Variants in LTF observed in about 807,000 individuals in gnomAD.
The protein encoded by LTF is epididymis luminal protein 110.
A neutral mutation model predicts 87.2 loss-of-function variants in LTF; 91 were observed. The observed-to-expected ratio is 1.04, with a 90% CI of 0.88 to 1.24. The LOEUF (loss-of-function observed/expected upper bound fraction) is 1.24. Ranked by LOEUF, LTF falls within the 50% of genes most tolerant of loss-of-function variation. The probability of loss-of-function intolerance (pLI) is 0.00; values close to 1 mark genes in which losing one functional copy is unlikely to be tolerated. For missense variants in LTF, 901 were observed against 904.3 expected, an observed-to-expected ratio of 1.00 and a Z score of 0.05; for synonymous variants, 378 against 356.1, an observed-to-expected ratio of 1.06 and a Z score of -0.69.
intron 14 of LTF, among the ~76,000 whole-genome samples, chr3:46,439,684 G>A (rs1243100143): frequency 6.6e-6 from 1 of 152,194 alleles, no homozygotes; most frequent in Non-Finnish European, 1.5e-5. Context: ...CCATGCAATG[G>A]AATGTTATTC....
chr3:46,447,257 C>T, intron 10 of LTF, 51 bp downstream of exon 10: 1 of 1,328,838 alleles, frequency 7.5e-7, no homozygotes, highest in Non-Finnish European at 1.1e-6. Context: ...ACTCATAGCC[C>T]CACTCCCATG....
At chr3:46,441,199 AAGAG>A (rs1344168106) in intron 14 of LTF, among the ~76,000 whole-genome samples, 1 of 146,308 alleles carries the variant, frequency 6.8e-6, no homozygotes, top group Non-Finnish European at 1.5e-5. Context: ...GTGTGAGAGA[AAGAG>A]AGAGAGTGTG....
At chr3:46,472,939 C>T (rs1186394068) in intron 1 of LTF, among the ~76,000 whole-genome samples, 3 of 152,300 alleles carry the variant, frequency 2.0e-5, no homozygotes, top group South Asian at 2.1e-4. Context: ...GGGGGCCAGA[C>T]TCCCCATGTC....
chr3:46,472,615 C>T (rs1053792520), intron 1 of LTF, among the ~76,000 whole-genome samples: 2 of 151,590 alleles, frequency 1.3e-5, no homozygotes, highest in Admixed American at 1.3e-4. Context: ...ACAGCAGCCT[C>T]GAACTCCCAG....
intron 13 of LTF, 161 bp from the exon 14 acceptor site, chr3:46,441,644 A>C: frequency 1.2e-5 from 7 of 595,654 alleles, no homozygotes; most frequent in Non-Finnish European, 2.1e-5. Flanking sequence ...GATTGAACAC[A>C]GGTGTACCTG....
rs142920270 is a variant in LTF at position 46,455,879 on chromosome 3, C to T, written c.416G>A (p.Arg139His). Residue 139 changes from arginine (R) to histidine (H), a missense_variant, in exon 4 of 17, where the codon CGC becomes CAC. By Grantham distance (29) the Arg-to-His change is conservative. Coordinates refer to ENST00000231751, the MANE Select transcript of LTF (RefSeq NM_002343.6). ...QGLKSCHTGL[R>H]RTAGWNVPIG... ...AGGGACATTCCATCCAGCGGTCCTG[C>T]GAAGGCCTGTGTGGCAGGACTTCAG... The T allele has an allele frequency of 5.4e-5, 87 of 1,613,634 alleles. No individual in the cohort carries two copies. In the African/African-American group the frequency reaches 9.2e-4, roughly 17 times the overall value.
intron 1 of LTF, among the ~76,000 whole-genome samples, chr3:46,463,079 G>A (rs1034843681): frequency 6.6e-6 from 1 of 152,030 alleles, no homozygotes; most frequent in Non-Finnish European, 1.5e-5. Context: ...TGACCCACAA[G>A]CTCTTACCTC....
At chr3:46,481,858 T>A (rs531886483) in intron 1 of LTF, among the ~76,000 whole-genome samples, 1 of 152,220 alleles carries the variant, frequency 6.6e-6, no homozygotes, top group Non-Finnish European at 1.5e-5. Context: ...GCCTAATGAC[T>A]AATGTGGGCT....
intron 1 of LTF, among the ~76,000 whole-genome samples, chr3:46,477,970 C>CT (rs1307397120): frequency 6.6e-6 from 1 of 152,124 alleles, no homozygotes. Context: ...GCGGGAGCCA[C>CT]TTTCCCCAGT....
rs561483631 is a variant in LTF, at chr3:46,446,362, T to C, written c.1357+78A>G. On this transcript the variant is annotated intron_variant, in intron 11 of 16. Transcript: ENST00000231751. Reference sequence around the variant, plus strand: ...TCTAGGGCTGCAATTCTTTCTGTTTTTTTTACAGTTCCTGCCACTTCCTCT... The same window carrying C: ...TCTAGGGCTGCAATTCTTTCTGTTTCTTTTACAGTTCCTGCCACTTCCTCT... 2.3e-5 allele frequency: 28 copies of C among 1,241,530 alleles called. No individual in the cohort carries two copies. The African/African-American group carries it at 3.5e-4, about 15-fold the overall frequency. 76.9% of individuals were successfully genotyped at this position (1,241,530 alleles called of 1,614,324 possible).
chr3:46,461,754 C>T (rs368669427), intron 1 of LTF, among the ~76,000 whole-genome samples: 9 of 124,038 alleles, frequency 7.3e-5, no homozygotes, highest in Admixed American at 1.5e-4. Flanking sequence ...TTGAATTGTA[C>T]GCAAATAGGT....
chr3:46,472,191 C>A (rs1520484), intron 1 of LTF, among the ~76,000 whole-genome samples: 56,165 of 151,784 alleles, frequency 0.37, 11,710 homozygotes, highest in African/African-American at 0.56. Context: ...ACTCATATGA[C>A]TTTAGGAGGT....
intron 1 of LTF, among the ~76,000 whole-genome samples, chr3:46,480,969 G>A (rs1369460315): frequency 6.6e-6 from 1 of 152,168 alleles, no homozygotes; most frequent in African/African-American, 2.4e-5. Context: ...ACAACTGCCA[G>A]TGGAAGTGCC....
intron 1 of LTF, among the ~76,000 whole-genome samples, chr3:46,460,198 T>A (rs1703045014): frequency 6.6e-6 from 1 of 152,242 alleles, no homozygotes; most frequent in Non-Finnish European, 1.5e-5. Context: ...TCATTGCTCC[T>A]GTTTTACTGA....
At chr3:46,468,655 G>A (rs1003174452), upstream of LTF, among the ~76,000 whole-genome samples, 3 of 152,230 alleles carry the variant, frequency 2.0e-5, no homozygotes, top group African/African-American at 4.8e-5. Flanking sequence ...GGAAGGAAGT[G>A]TGAGATCTGA....
intron 1 of LTF, among the ~76,000 whole-genome samples, chr3:46,484,129 C>A (rs1269524593): frequency 6.6e-6 from 1 of 152,256 alleles, no homozygotes; most frequent in African/African-American, 2.4e-5. Context: ...AATGTCAACC[C>A]TTGTCAATGG....
chr3:46,483,215 CA>C (rs1211657263), intron 1 of LTF, among the ~76,000 whole-genome samples: 1 of 152,208 alleles, frequency 6.6e-6, no homozygotes, highest in African/African-American at 2.4e-5. Flanking sequence ...AAATCCCTGA[CA>C]ATGTTAACAG....
chr3:46,443,625 T>C, intron 12 of LTF, 43 bp from the exon 13 acceptor site: 2 of 1,609,682 alleles, frequency 1.2e-6, no homozygotes, highest in Non-Finnish European at 1.7e-6. Context: ...CAAACCTGAG[T>C]CCACACAAGC....
intron 11 of LTF, among the ~76,000 whole-genome samples, 156 bp downstream of exon 11, chr3:46,446,284 C>A (rs4682816): frequency 6.6e-5 from 10 of 151,900 alleles, no homozygotes; most frequent in African/African-American, 2.4e-4. Flanking sequence ...AGAACTATTC[C>A]TCTGTGAATT....
Sources: allele counts gnomAD v4.1 joint callset (sites outside exome capture counted in the v4.1 genomes callset), GRCh38; gene constraint gnomAD v4.1.1; transcripts MANE v1.5; gene names NCBI Gene and HGNC (gene_info 2026-07-23, HGNC 2026-07-21).